KIAA1958: variants seen among roughly 807,000 people sequenced by gnomAD.
KIAA1958 encodes the protein KIAA1958, also known as uncharacterized protein KIAA1958.
In KIAA1958, 14 loss-of-function variants were observed where a neutral mutation model predicts 47.2. That is an observed-to-expected ratio of 0.30 (90% CI 0.20 to 0.46). KIAA1958 has a LOEUF of 0.46. KIAA1958 is among the 20% of genes least tolerant of loss of function. KIAA1958 has a pLI of 1.00. For missense variants in KIAA1958, 803 were observed against 909.2 expected (o/e 0.88, Z 1.50); for synonymous variants, 354 against 353.3 (o/e 1.00, Z -0.02).
At chr9:112,518,747 G>A (rs1471861011) in intron 1 of KIAA1958, among the ~76,000 whole-genome samples, 6 of 151,836 alleles carry the variant, frequency 4.0e-5, no homozygotes, top group Non-Finnish European at 7.4e-5. Flanking sequence ...TTCCAATAAA[G>A]GCATTTTTTA....
intron 2 of KIAA1958, among the ~76,000 whole-genome samples, chr9:112,623,886 T>C (rs1836553816): frequency 1.3e-5 from 2 of 152,182 alleles, no homozygotes; most frequent in African/African-American, 4.8e-5. Context: ...TGTGAACCTA[T>C]TCAGATTTTT....
At chr9:112,561,056 ATT>A (rs201349723) in intron 1 of KIAA1958, among the ~76,000 whole-genome samples, 7 of 141,066 alleles carry the variant, frequency 5.0e-5, no homozygotes, top group East Asian at 2.1e-4. Flanking sequence ...TGTCTTTGCA[ATT>A]TTTTTTTTTT....
chr9:112,591,452 A>G (rs1481160483), intron 2 of KIAA1958, among the ~76,000 whole-genome samples: 1 of 152,196 alleles, frequency 6.6e-6, no homozygotes, highest in African/African-American at 2.4e-5. Flanking sequence ...TCATATAAGA[A>G]AAAATAATTT....
Position 112,593,986 on chromosome 9 carries a change from T to C in KIAA1958, c.1171+18735T>C, listed in dbSNP as rs373532758. 5.0e-4 allele frequency among the ~76,000 whole-genome samples: 76 copies of C among 152,240 alleles called. 1 individual carries two copies. The South Asian group carries it at 0.011, about 22-fold the overall frequency. Reference sequence around the variant, plus strand: ...CTCAAGCAATCCTCCCACCTCAGCCTCCTAAGCAACTAGGACTACAGGCAT... The same window carrying C: ...CTCAAGCAATCCTCCCACCTCAGCCCCCTAAGCAACTAGGACTACAGGCAT... On this transcript the variant is annotated intron_variant, in intron 2 of 3. Coordinates refer to ENST00000337530, the MANE Select transcript of KIAA1958 (RefSeq NM_133465.4).
At chr9:112,632,161 C>G (rs750168496) in intron 2 of KIAA1958, among the ~76,000 whole-genome samples, 5 of 152,026 alleles carry the variant, frequency 3.3e-5, no homozygotes, top group Non-Finnish European at 7.4e-5. Context: ...TGATGTGTCT[C>G]CTTCCAAATT....
chr9:112,612,731 G>A (rs137949774), intron 2 of KIAA1958, among the ~76,000 whole-genome samples: 68 of 152,254 alleles, frequency 4.5e-4, no homozygotes, highest in African/African-American at 1.6e-3. Flanking sequence ...TGTGCAGGGC[G>A]GTAGCAATAT....
chr9:112,623,739 A>C (rs957403025), intron 2 of KIAA1958, among the ~76,000 whole-genome samples: 1 of 152,192 alleles, frequency 6.6e-6, no homozygotes, highest in Non-Finnish European at 1.5e-5. Context: ...TTTTACCCCA[A>C]TTAAAGCCAA....
intron 2 of KIAA1958, among the ~76,000 whole-genome samples, chr9:112,585,326 A>G (rs1430406667): frequency 6.6e-6 from 1 of 152,260 alleles, no homozygotes; most frequent in Non-Finnish European, 1.5e-5. Context: ...ATTTATGAAG[A>G]GTGGTTGACT....
intron 2 of KIAA1958, among the ~76,000 whole-genome samples, chr9:112,586,488 G>A (rs1835824582): frequency 6.6e-6 from 1 of 152,060 alleles, no homozygotes; most frequent in South Asian, 2.1e-4. Flanking sequence ...GAGAAATTAT[G>A]TTTCAATAGC....
chr9:112,611,527 AT>A (rs1836326097), intron 2 of KIAA1958, among the ~76,000 whole-genome samples: 4 of 151,972 alleles, frequency 2.6e-5, no homozygotes, highest in African/African-American at 9.7e-5. Context: ...ACTCTTTAAG[AT>A]TTAAAAAAAA....
intron 1 of KIAA1958, among the ~76,000 whole-genome samples, chr9:112,545,847 A>G (rs200708212): frequency 1.1e-4 from 2 of 19,002 alleles, no homozygotes; most frequent in African/African-American, 3.8e-4. Context: ...TTTTTTTTTT[A>G]GTGAATTTCA....
At chr9:112,595,321 C>G (rs921336030) in intron 2 of KIAA1958, among the ~76,000 whole-genome samples, 1 of 152,134 alleles carries the variant, frequency 6.6e-6, no homozygotes, top group Non-Finnish European at 1.5e-5. Context: ...TGATCCATTG[C>G]GGTGCCAGCA....
chr9:112,666,711 C>G lies in KIAA1958; in HGVS notation c.*6642C>G, dbSNP rs568020976. ...TCAATTCCTGGCTTACTTCATGAAA[C>G]AGGCCCTGTGAAATTAAAAACATGA... On this transcript the variant is annotated 3_prime_UTR_variant, in exon 4 of 4. Transcript: ENST00000337530. The G allele has an allele frequency of 6.6e-6, 1 of 152,290 alleles. No homozygotes were observed. Among genetic ancestry groups the G allele is most frequent in the African/African-American group, 2.4e-5 (1 of 41,550 alleles). The allele number at this position is 152,290 out of a possible 1,614,324, so 9.4% of individuals were successfully genotyped here.
chr9:112,531,874 C>A (rs959170543), intron 1 of KIAA1958, among the ~76,000 whole-genome samples: 7 of 152,228 alleles, frequency 4.6e-5, no homozygotes, highest in Admixed American at 2.6e-4. Context: ...ACCATGACTT[C>A]ATTAATGTCT....
chr9:112,649,118 A>G lies in KIAA1958; in HGVS notation c.1344+3296A>G, dbSNP rs551180091. Among the ~76,000 whole-genome samples, 6 of 152,328 alleles carry G rather than the reference A, an allele frequency of 3.9e-5. No individual in the cohort carries two copies. The South Asian group carries it at 1.2e-3, about 32-fold the overall frequency. On this transcript the variant is annotated intron_variant, in intron 3 of 3. Transcript: ENST00000337530. ...AGAAAATATGTGAACTTGAATGTAT[A>G]GCAATAGTAACTATGTAAAATGAAA...
At chr9:112,592,341 C>T (rs934766477) in intron 2 of KIAA1958, among the ~76,000 whole-genome samples, 1 of 152,150 alleles carries the variant, frequency 6.6e-6, no homozygotes, top group African/African-American at 2.4e-5. Flanking sequence ...TGCACTCCAG[C>T]CTGGGCACCA....
In KIAA1958 at chr9:112,659,539, A is replaced by T; in HGVS notation, c.1621A>T (p.Met541Leu). 6.2e-7 allele frequency: 1 copy of T among 1,613,096 alleles called. No homozygotes were observed. The highest frequency in any genetic ancestry group is 1.7e-4 in the Middle Eastern group (1 of 6,058). Residue 541 changes from methionine to leucine, a missense_variant, in exon 4 of 4, where the codon ATG becomes TTG. Physicochemically the swap from Met to Leu is conservative, Grantham distance 15 (BLOSUM62 2). Around this residue, in one of 2 missense-constraint regions of KIAA1958, gnomAD observed 761 missense variants for 829.3 expected, o/e 0.92. Coordinates refer to ENST00000337530, the MANE Select transcript of KIAA1958 (RefSeq NM_133465.4). ...CTTCTCCCTTTCTGACGAGGAGGAG[A>T]TGTGGCAGGCAGGGTGTCTGGGGGA... ...VYFSLSDEEE[M>L]WQAGCLGDDS... is the part of the protein sequence containing the mutation.
chr9:112,491,478 A>G (rs1180059304), intron 1 of KIAA1958, among the ~76,000 whole-genome samples: 1 of 151,474 alleles, frequency 6.6e-6, no homozygotes, highest in Non-Finnish European at 1.5e-5. Flanking sequence ...CTGGAAATCT[A>G]TGGCCTCTTT....
At chr9:112,510,483 T>A (rs770479562) in intron 1 of KIAA1958, among the ~76,000 whole-genome samples, 2 of 152,242 alleles carry the variant, frequency 1.3e-5, no homozygotes, top group Non-Finnish European at 2.9e-5. Context: ...GCACCTGTGC[T>A]TTCAGATCTG....
Sources: gnomAD v4.1 joint callset for allele counts (sites outside exome capture counted in the v4.1 genomes callset) on GRCh38, gnomAD v4.1.1 for gene constraint, gnomAD v4.1.1 regional missense constraint, MANE v1.5 for transcripts, NCBI Gene and HGNC (gene_info 2026-07-23, HGNC 2026-07-21) for gene names.